Variants in KAZN observed in about 807,000 individuals in gnomAD.
The protein encoded by KAZN is kazrin, periplakin interacting protein, also known as kazrin.
KAZN carries 40 observed loss-of-function variants against 87.4 expected under a neutral mutation model. The ratio of observed to expected loss-of-function variants is 0.46; its 90% CI spans 0.36 to 0.60. The LOEUF (loss-of-function observed/expected upper bound fraction) is 0.60, where lower values mean the gene tolerates loss of function less well. Among genes scored for constraint, KAZN ranks in the 20% least tolerant of loss-of-function variants. The pLI is 0.00. For synonymous variants in KAZN, 466 were observed against 458.3 expected, an observed-to-expected ratio of 1.02 and a Z score of -0.22; for missense variants, 898 against 1,073.9, an observed-to-expected ratio of 0.84 and a Z score of 2.29.
chr1:14,338,948 T>C (rs1657479502), intron 2 of KAZN, among the ~76,000 whole-genome samples: 1 of 152,172 alleles, frequency 6.6e-6, no homozygotes, highest in South Asian at 2.1e-4. Flanking sequence ...ACCCACCTAA[T>C]TGGGCACATT....
In KAZN at chr1:14,598,928, C is replaced by T; in HGVS notation, c.-70C>T. On this transcript the variant is annotated 5_prime_UTR_variant, in exon 1 of 15. Coordinates refer to ENST00000376030, the MANE Select transcript of KAZN (RefSeq NM_201628.3). This position sits in a 1 kb window ranked among gnomAD's most constrained non-coding sequence, Gnocchi z 4.2. ...CACAACAGGTAGAGCCGGGGGTGCC[C>T]GGCCGCGCGCCCCCCGCGCATCATG... 1 of 1,553,476 alleles carries T rather than the reference C, an allele frequency of 6.4e-7. No individual in the cohort carries two copies. Among genetic ancestry groups the T allele is most frequent in the South Asian group, 1.2e-5 (1 of 83,808 alleles).
chr1:14,711,187 T>C (rs1289693652), intron 1 of KAZN, among the ~76,000 whole-genome samples: 1 of 151,890 alleles, frequency 6.6e-6, no homozygotes, highest in African/African-American at 2.4e-5. Context: ...AGCCAGACCT[T>C]GTCTCTATTT....
chr1:14,836,356 T>C (rs1647264242), intron 1 of KAZN, among the ~76,000 whole-genome samples: 2 of 152,180 alleles, frequency 1.3e-5, no homozygotes, highest in Non-Finnish European at 2.9e-5. Context: ...CCTGACAGAC[T>C]GGGGAGTGGG....
At chr1:14,096,980 G>A (rs1168870577) in intron 1 of KAZN, among the ~76,000 whole-genome samples, 1 of 152,248 alleles carries the variant, frequency 6.6e-6, no homozygotes, top group Non-Finnish European at 1.5e-5. Context: ...AGTGGTTAAG[G>A]TGGAGCCTAG....
intron 1 of KAZN, among the ~76,000 whole-genome samples, chr1:14,824,128 A>G (rs1646815272): frequency 6.6e-6 from 1 of 151,920 alleles, no homozygotes; most frequent in South Asian, 2.1e-4. Context: ...AAAAAAAAAA[A>G]AAAGGTTAAA....
At position 14,839,206 on chromosome 1, in the gene KAZN, G is replaced by C. The variant is rs76427600; in HGVS notation, c.227-121478G>C. Among the ~76,000 whole-genome samples, 93 of 152,280 alleles carry C rather than the reference G, an allele frequency of 6.1e-4. 1 individual carries two copies. The East Asian group carries it at 0.016, about 27-fold the overall frequency. On this transcript the variant is annotated intron_variant, in intron 1 of 14. Transcript: ENST00000376030. ...TCCCATGAGAAGGCTGTGTAGGATA[G>C]TGATTAAGACTGCAGTCTCCGGAGT...
chr1:14,820,947 C>T lies in KAZN; in HGVS notation c.227-139737C>T, dbSNP rs1281481736. On this transcript the variant is annotated intron_variant, in intron 1 of 14. Transcript: ENST00000376030. The surrounding 1 kb of genome is among the most constrained non-coding windows in gnomAD (Gnocchi z 4.1). ...GGCACCGGGGATGGCAAGGGCTGGA[C>T]GCAGCAGGACCGTGGTCTGTTCTGT... 2.6e-5 allele frequency among the ~76,000 whole-genome samples: 4 copies of T among 152,212 alleles called. No individual in the cohort carries two copies. Among genetic ancestry groups the T allele is most frequent in the East Asian group, 1.9e-4 (1 of 5,168 alleles).
Position 15,044,087 on chromosome 1 carries a change from C to T in KAZN, c.654C>T (p.His218=), listed in dbSNP as rs138986937. ...GCCAAGCCAAGGAGGCCACAGACCA[C>T]GCCACGGCACTGCGCTCCCAGCTGG... ...LRRQAKEATD[H]ATALRSQLDL... is the part of the protein sequence containing the mutation. The change falls in exon 4 of 15, where the codon CAC becomes CAT. Residue 218 remains histidine (H), a synonymous_variant. Coordinates refer to ENST00000376030, the MANE Select transcript of KAZN (RefSeq NM_201628.3). 2.7e-4 allele frequency: 434 copies of T among 1,612,768 alleles called. 4 individuals carry two copies. The East Asian group carries it at 8.5e-3, about 31-fold the overall frequency.
chr1:15,089,269 AG>A (rs1640416092), intron 8 of KAZN, among the ~76,000 whole-genome samples: 1 of 152,078 alleles, frequency 6.6e-6, no homozygotes, highest in Non-Finnish European at 1.5e-5. Context: ...GGGGAGACAT[AG>A]CCAAGGGCTG....
At chr1:14,881,569 G>T (rs1042094179) in intron 1 of KAZN, among the ~76,000 whole-genome samples, 20 of 152,148 alleles carry the variant, frequency 1.3e-4, no homozygotes, top group Non-Finnish European at 2.9e-4. Context: ...ACTGTCCTCA[G>T]CCCTGGGAAT....
chr1:14,813,863 G>T (rs1646487441), intron 1 of KAZN, among the ~76,000 whole-genome samples: 1 of 152,200 alleles, frequency 6.6e-6, no homozygotes, highest in Non-Finnish European at 1.5e-5. Context: ...GACAGAGGAT[G>T]TAGAGCATTT....
intron 1 of KAZN, among the ~76,000 whole-genome samples, chr1:13,905,176 A>T (rs1639392170): frequency 6.6e-6 from 1 of 152,310 alleles, no homozygotes; most frequent in East Asian, 1.9e-4. Flanking sequence ...TTAATCATTT[A>T]AAATTAATAC....
intron 2 of KAZN, among the ~76,000 whole-genome samples, chr1:14,347,862 AT>A (rs1306840415): frequency 1.4e-5 from 2 of 147,876 alleles, no homozygotes; most frequent in African/African-American, 4.9e-5. Flanking sequence ...ATATACTACT[AT>A]TTTTTTTCTT....
chr1:13,904,224 C>T (rs1289852022), intron 1 of KAZN, among the ~76,000 whole-genome samples: 2 of 152,106 alleles, frequency 1.3e-5, no homozygotes, highest in African/African-American at 4.8e-5. Context: ...CCAGCATGCA[C>T]CTTCCTCAGC....
At chr1:13,896,643 AG>A (rs1348990401) in intron 1 of KAZN, among the ~76,000 whole-genome samples, 2 of 152,150 alleles carry the variant, frequency 1.3e-5, no homozygotes, top group African/African-American at 4.8e-5. Context: ...GGAAATACAC[AG>A]GGGTTGCCCG....
chr1:13,983,465 C>A (rs558628137), intron 1 of KAZN, among the ~76,000 whole-genome samples: 1 of 152,344 alleles, frequency 6.6e-6, no homozygotes, highest in East Asian at 1.9e-4. Context: ...GAGTGCAGGG[C>A]CCGCCAAGCC....
chr1:15,072,695 G>T (rs569916440), intron 8 of KAZN, among the ~76,000 whole-genome samples: 48 of 152,160 alleles, frequency 3.2e-4, no homozygotes, highest in Non-Finnish European at 3.5e-4. Context: ...AAACCAAGGC[G>T]CAGAGAGGTG....
At chr1:14,685,963 A>C (rs1640928649) in intron 1 of KAZN, among the ~76,000 whole-genome samples, 1 of 152,212 alleles carries the variant, frequency 6.6e-6, no homozygotes, top group African/African-American at 2.4e-5. Flanking sequence ...AAAGAGATGG[A>C]GTAAACTCCC....
rs1194619218 is a variant in KAZN at position 15,081,711 on chromosome 1, C to A, written c.1223-12469C>A. ...CCAGGCAGAGGAAAGTGACAGGCCG[C>A]TGTTCAGGCCAAGGGAACGGCAGGT... On this transcript the variant is annotated intron_variant, in intron 8 of 14. Transcript: ENST00000376030. This position sits in a 1 kb window ranked among gnomAD's most constrained non-coding sequence, Gnocchi z 4.1. Among the ~76,000 whole-genome samples, 1 of 152,156 alleles carries A rather than the reference C, an allele frequency of 6.6e-6. No homozygotes were observed. Among genetic ancestry groups the A allele is most frequent in the Admixed American group, 6.5e-5 (1 of 15,276 alleles).
Sources: allele counts gnomAD v4.1 joint callset (sites outside exome capture counted in the v4.1 genomes callset), GRCh38; gene constraint gnomAD v4.1.1; non-coding constraint Gnocchi (gnomAD v3.1); transcripts MANE v1.5; gene names NCBI Gene and HGNC (gene_info 2026-07-23, HGNC 2026-07-21).